The following TBC1D13 variants were observed in gnomAD, a reference collection of about 807,000 sequenced individuals.
TBC1D13 encodes the protein epididymis secretory sperm binding protein.
Under a neutral mutation model 53.6 loss-of-function variants are expected in TBC1D13, and 40 were observed. The ratio of observed to expected loss-of-function variants is 0.75; its 90% CI spans 0.58 to 0.97. TBC1D13 has a LOEUF of 0.97. Ranked by LOEUF, TBC1D13 falls within the 50% of genes least tolerant of loss-of-function variation. TBC1D13 has a pLI of 0.00. For synonymous variants in TBC1D13, 182 were observed against 197.7 expected (o/e 0.92, Z 0.67); for missense variants, 377 against 499.4 (o/e 0.75, Z 2.34).
chr9:128,800,151 C>T (rs1243234966), intron 7 of TBC1D13, among the ~76,000 whole-genome samples: 4 of 152,094 alleles, frequency 2.6e-5, no homozygotes, highest in East Asian at 1.9e-4. Context: ...TCTCCAGGAC[C>T]CTATGCTTCC....
intron 6 of TBC1D13, among the ~76,000 whole-genome samples, chr9:128,793,506 G>T (rs1437631095): frequency 6.6e-6 from 1 of 152,166 alleles, no homozygotes; most frequent in Non-Finnish European, 1.5e-5. Context: ...GCATTTACCA[G>T]TTGTTAGCTG....
intron 3 of TBC1D13, 52 bp from the exon 4 acceptor site, chr9:128,791,328 T>C: frequency 6.5e-7 from 1 of 1,543,176 alleles, no homozygotes; most frequent in South Asian, 1.1e-5. Flanking sequence ...GCCTAAAGAC[T>C]GACGTTGGTG....
intron 7 of TBC1D13, among the ~76,000 whole-genome samples, chr9:128,801,760 G>T (rs13291214): frequency 1.4e-4 from 17 of 121,290 alleles, no homozygotes; most frequent in African/African-American, 6.9e-4. Context: ...TTTGTTTTTT[G>T]TTTTTTGTTT....
intron 2 of TBC1D13, among the ~76,000 whole-genome samples, chr9:128,789,337 G>A (rs372900575): frequency 2.9e-3 from 154 of 53,458 alleles, no homozygotes; most frequent in Middle Eastern, 9.6e-3. Context: ...AAAAAAAAAA[G>A]AACTTCTTAT....
At position 128,809,472 on chromosome 9, in the gene TBC1D13, G is replaced by A. The variant is rs1564428758; in HGVS notation, c.*1593G>A. On this transcript the variant is annotated 3_prime_UTR_variant, in exon 12 of 12. Transcript: ENST00000372648. Reference sequence around the variant, plus strand: ...GCTGCCCTTCCAAGCCCGGCTTTGGGCCAGGAAAGGCTTCCCCAGGTGGCT... The same window carrying A: ...GCTGCCCTTCCAAGCCCGGCTTTGGACCAGGAAAGGCTTCCCCAGGTGGCT... 6.6e-6 allele frequency: 1 copy of A among 152,200 alleles called. No individual in the cohort carries two copies. The highest frequency in any genetic ancestry group is 1.5e-5 in the Non-Finnish European group (1 of 68,040). 9.4% of individuals were successfully genotyped at this position (152,200 alleles called of 1,614,324 possible). A position where few individuals can be genotyped will look rare whatever the true frequency, so the allele number is the denominator to read the frequency against.
chr9:128,806,339 C>T (rs1401843580), intron 11 of TBC1D13, 28 bp downstream of exon 11: 13 of 1,613,536 alleles, frequency 8.1e-6, no homozygotes, highest in African/African-American at 1.3e-5. Flanking sequence ...CAGGCTCAGC[C>T]ACTGCCATGA....
intron 9 of TBC1D13, among the ~76,000 whole-genome samples, chr9:128,804,376 G>A (rs1402709269): frequency 6.6e-6 from 1 of 151,852 alleles, no homozygotes; most frequent in Admixed American, 6.6e-5. Flanking sequence ...TGGTTAAGCT[G>A]TTAGTAGTCT....
chr9:128,803,866 C>CG, intron 8 of TBC1D13, 90 bp from the exon 9 acceptor site: 1 of 1,532,152 alleles, frequency 6.5e-7, no homozygotes, highest in South Asian at 1.2e-5. Context: ...GGCAACTCGG[C>CG]GGGGCTCAGA....
intron 6 of TBC1D13, among the ~76,000 whole-genome samples, chr9:128,793,158 C>T (rs1243175243): frequency 6.6e-6 from 1 of 152,212 alleles, no homozygotes; most frequent in East Asian, 1.9e-4. Context: ...AGAGAGCCCG[C>T]AGAGCTTGGC....
At chr9:128,804,745 T>TTTTAG (rs1829800946) in intron 9 of TBC1D13, among the ~76,000 whole-genome samples, 1 of 110,812 alleles carries the variant, frequency 9.0e-6, no homozygotes, top group Non-Finnish European at 2.0e-5. Flanking sequence ...TTTTTTTTTT[T>TTTTAG]GAGAAGGACT....
rs111524051 is a variant in TBC1D13 at position 128,801,371 on chromosome 9, A to C, written c.544-1879A>C. On this transcript the variant is annotated intron_variant, in intron 7 of 11. Coordinates refer to ENST00000372648, the MANE Select transcript of TBC1D13 (RefSeq NM_018201.5). ...CCCTCCCCAACCCCATCCCCTCAAC[A>C]GCTGACTTTTTGAAAAGGCTTGGCC... Among the ~76,000 whole-genome samples the C allele has an allele frequency of 6.5e-3, 986 of 151,864 alleles. 5 individuals are homozygous for C. Among genetic ancestry groups the C allele is most frequent in the Non-Finnish European group, 0.011 (739 of 67,940 alleles).
intron 8 of TBC1D13, 106 bp from the exon 9 acceptor site, chr9:128,803,850 G>T (rs1829779540): frequency 2.1e-6 from 3 of 1,463,154 alleles, no homozygotes; most frequent in Non-Finnish European, 1.9e-6. Context: ...CAGACCATGA[G>T]GATGGGGCAA....
intron 2 of TBC1D13, among the ~76,000 whole-genome samples, chr9:128,789,193 C>G (rs7032852): frequency 0.02 from 3,059 of 151,798 alleles, 110 homozygotes; most frequent in African/African-American, 0.07. Flanking sequence ...CTTGGTGGCA[C>G]TTGCCTGTAA....
chr9:128,793,440 TG>T (rs1409187754), intron 6 of TBC1D13, among the ~76,000 whole-genome samples: 1 of 152,100 alleles, frequency 6.6e-6, no homozygotes, highest in Non-Finnish European at 1.5e-5. Context: ...TGTCCACAGG[TG>T]GGTGGAGTGG....
Position 128,792,519 on chromosome 9 carries a change from T to C in TBC1D13, c.328T>C (p.Trp110Arg). The C allele has an allele frequency of 6.2e-7, 1 of 1,614,116 alleles. No homozygotes were observed. The highest frequency in any genetic ancestry group is 8.5e-7 in the Non-Finnish European group (1 of 1,179,966). Reference sequence around the variant, plus strand: ...ACTCAACCCCAACCCTGACAGCCGGTGGAACACGTACTTCAAGGACAACGA... The same window carrying C: ...ACTCAACCCCAACCCTGACAGCCGGCGGAACACGTACTTCAAGGACAACGA... ...HPLNPNPDSR[W>R]NTYFKDNEVL... is the part of the protein sequence containing the mutation. The change falls in exon 6 of 12, where the codon TGG becomes CGG. Residue 110 changes from tryptophan (W) to arginine (R), a missense_variant. Trp to Arg is a moderately radical substitution (Grantham distance 101, BLOSUM62 -3). Transcript: ENST00000372648.
chr9:128,800,062 G>A lies in TBC1D13; in HGVS notation c.543+2848G>A, dbSNP rs114479598. Among the ~76,000 whole-genome samples the A allele has an allele frequency of 4.6e-3, 699 of 152,356 alleles. 2 individuals are homozygous for A. Among genetic ancestry groups the A allele is most frequent in the African/African-American group, 0.015 (614 of 41,594 alleles). ...AAAGCTCTTGGTAAATGTGGCTGAT[G>A]TGTGTCTGTGTGTGTGAACATCCCT... On this transcript the variant is annotated intron_variant, in intron 7 of 11. Coordinates refer to ENST00000372648, the MANE Select transcript of TBC1D13 (RefSeq NM_018201.5).
At position 128,809,892 on chromosome 9, in the gene TBC1D13, C is replaced by T. The variant is rs1464489660; in HGVS notation, c.*2013C>T. ...CACCTGGGCCACCCTCTCTCCAGGA[C>T]TTGTCAGCTGGTGGTTCAGCCCCTT... On this transcript the variant is annotated 3_prime_UTR_variant, in exon 12 of 12. Coordinates refer to ENST00000372648, the MANE Select transcript of TBC1D13 (RefSeq NM_018201.5). 6.5e-6 allele frequency: 1 copy of T among 152,794 alleles called. No individual in the cohort carries two copies. Among genetic ancestry groups the T allele is most frequent in the Non-Finnish European group, 1.5e-5 (1 of 68,484 alleles). The allele number at this position is 152,794 out of a possible 1,614,324, so 9.5% of individuals were successfully genotyped here.
At chr9:128,796,535 G>T (rs999910126) in intron 6 of TBC1D13, among the ~76,000 whole-genome samples, 1 of 152,166 alleles carries the variant, frequency 6.6e-6, no homozygotes, top group Non-Finnish European at 1.5e-5. Flanking sequence ...ATAGGCGTGA[G>T]CCACCGTGCC....
Position 128,809,108 on chromosome 9 carries a change from C to T in TBC1D13, c.*1229C>T, listed in dbSNP as rs1829900663. On this transcript the variant is annotated 3_prime_UTR_variant, in exon 12 of 12. Coordinates refer to ENST00000372648, the MANE Select transcript of TBC1D13 (RefSeq NM_018201.5). ...GGGCCCGAGGAAGCCTCTCTGGGGC[C>T]AGGGGTAGCTGAGCTTAAAGGCCCT... 6.6e-6 allele frequency: 1 copy of T among 152,276 alleles called. No homozygotes were observed. The highest frequency in any genetic ancestry group is 1.5e-5 in the Non-Finnish European group (1 of 68,132). 9.4% of individuals were successfully genotyped at this position (152,276 alleles called of 1,614,324 possible). A position where few individuals can be genotyped will look rare whatever the true frequency, so the allele number is the denominator to read the frequency against.
Sources: gnomAD v4.1 joint callset for allele counts (sites outside exome capture counted in the v4.1 genomes callset) on GRCh38, gnomAD v4.1.1 for gene constraint, MANE v1.5 for transcripts, NCBI Gene and HGNC (gene_info 2026-07-23, HGNC 2026-07-21) for gene names.